The following FOXP2 variants were observed in gnomAD, a reference collection of about 807,000 sequenced individuals.
The protein encoded by FOXP2 is forkhead box protein P2.
A neutral mutation model predicts 115.8 loss-of-function variants in FOXP2; 12 were observed. The ratio of observed to expected loss-of-function variants is 0.10; its 90% CI spans 0.07 to 0.17. The LOEUF is 0.17. Ranked by LOEUF, FOXP2 falls within the 10% of genes least tolerant of loss-of-function variation. The pLI is 1.00. For missense variants in FOXP2, 629 were observed against 843.5 expected, an observed-to-expected ratio of 0.75 and a Z score of 3.15; for synonymous variants, 328 against 297.7, an observed-to-expected ratio of 1.10 and a Z score of -1.05.
chr7:114,252,023 G>C (rs1795459144), intron 1 of FOXP2, among the ~76,000 whole-genome samples: 1 of 152,140 alleles, frequency 6.6e-6, no homozygotes. Context: ...TTTGTCAAAG[G>C]CCTTTTCTGC....
chr7:114,512,197 G>GTCT (rs1798111360), intron 2 of FOXP2, among the ~76,000 whole-genome samples: 2 of 152,126 alleles, frequency 1.3e-5, no homozygotes, highest in South Asian at 4.1e-4. Flanking sequence ...CCTTCTCAAA[G>GTCT]TGAACAGAAA....
At chr7:114,488,180 A>G (rs773442490) in intron 2 of FOXP2, among the ~76,000 whole-genome samples, 13 of 151,928 alleles carry the variant, frequency 8.6e-5, no homozygotes, top group Non-Finnish European at 1.6e-4. Context: ...GTGCAAATGA[A>G]CTCCCCTCTA....
At chr7:114,611,501 C>T (rs145292597) in intron 3 of FOXP2, among the ~76,000 whole-genome samples, 16 of 152,166 alleles carry the variant, frequency 1.1e-4, no homozygotes, top group Admixed American at 2.6e-4. Context: ...GCACAGGTTA[C>T]GCAGCAGTGA....
At chr7:114,285,505 G>A (rs1252457977) in intron 1 of FOXP2, 1 of 152,136 alleles carries the variant, frequency 6.6e-6, no homozygotes, top group Non-Finnish European at 1.5e-5. Context: ...ATATTTTACA[G>A]TAGAGGTGCC....
At chr7:114,091,004 A>G (rs1324111309) in intron 1 of FOXP2, among the ~76,000 whole-genome samples, 3 of 151,814 alleles carry the variant, frequency 2.0e-5, no homozygotes, top group Non-Finnish European at 4.4e-5. Context: ...TTATGTGAAA[A>G]TTTATTATTA....
At chr7:114,266,619 C>T (rs189133631) in intron 1 of FOXP2, among the ~76,000 whole-genome samples, 29 of 152,182 alleles carry the variant, frequency 1.9e-4, no homozygotes, top group Admixed American at 5.9e-4. Context: ...ATCCTTATGC[C>T]CCCAGACACC....
chr7:114,480,730 C>T lies in FOXP2; in HGVS notation c.169-53887C>T, dbSNP rs189887637. 8.6e-4 allele frequency among the ~76,000 whole-genome samples: 129 copies of T among 150,012 alleles called. 1 individual carries two copies. Among genetic ancestry groups the T allele is most frequent in the African/African-American group, 2.8e-3 (116 of 41,102 alleles). On this transcript the variant is annotated intron_variant, in intron 2 of 16. Transcript: ENST00000350908. ...ATATGTGCATGTATATACATATACA[C>T]GTATATATGTGTATGTATGTATACG...
intron 1 of FOXP2, among the ~76,000 whole-genome samples, chr7:114,255,629 A>G (rs1196345955): frequency 6.6e-6 from 1 of 152,138 alleles, no homozygotes; most frequent in East Asian, 1.9e-4. Flanking sequence ...GGCGTTTGTT[A>G]AGACCATTGG....
In FOXP2 at chr7:114,268,392, A is replaced by G. The variant is rs557334282; in HGVS notation, c.-101-19627A>G. ...CATACATAGGATAATATTAGGGCAT[A>G]TTAGAATTTAGTGAAACATAAATTT... On this transcript the variant is annotated intron_variant, in intron 1 of 17. Transcript: ENST00000634411. 2.9e-3 allele frequency among the ~76,000 whole-genome samples: 446 copies of G among 152,348 alleles called. 2 individuals are homozygous for G. Among genetic ancestry groups the G allele is most frequent in the South Asian group, 0.019 (93 of 4,834 alleles).
rs900072191 is a variant in FOXP2 at position 114,127,377 on chromosome 7, A to T, written c.-246-35567A>T. On this transcript the variant is annotated intron_variant, in intron 1 of 19. Coordinates refer to the FOXP2 transcript ENST00000635638. ...AGGGGAAAAGATTATATAAGGGCACAGATACCCAGGAAGTGGAGATCACTG... is the reference window on the plus strand; with the variant it reads ...AGGGGAAAAGATTATATAAGGGCACTGATACCCAGGAAGTGGAGATCACTG... Among the ~76,000 whole-genome samples the T allele has an allele frequency of 2.0e-4, 31 of 152,194 alleles. 1 individual carries two copies. The highest frequency in any genetic ancestry group is 7.5e-4 in the African/African-American group (31 of 41,456).
At chr7:114,292,497 T>C (rs1796631195) in intron 2 of FOXP2, among the ~76,000 whole-genome samples, 1 of 152,144 alleles carries the variant, frequency 6.6e-6, no homozygotes, top group Non-Finnish European at 1.5e-5. Context: ...TCTTACCTTT[T>C]CTCTTTACTC....
chr7:114,408,556 G>A lies in FOXP2; in HGVS notation c.-10-17946G>A, dbSNP rs571710134. Reference sequence around the variant, plus strand: ...AGCCTGGCCAATATGGTGAAACCCTGTCTCTACGAAAAATACAAAAATTAG... The same window carrying A: ...AGCCTGGCCAATATGGTGAAACCCTATCTCTACGAAAAATACAAAAATTAG... On this transcript the variant is annotated intron_variant, in intron 2 of 17. Transcript: ENST00000634411. Among the ~76,000 whole-genome samples, 3 of 152,100 alleles carry A rather than the reference G, an allele frequency of 2.0e-5. No homozygotes were observed. The South Asian group carries it at 6.2e-4, about 32-fold the overall frequency.
intron 3 of FOXP2, among the ~76,000 whole-genome samples, chr7:114,581,820 C>T (rs1468993063): frequency 6.6e-6 from 1 of 152,118 alleles, no homozygotes; most frequent in East Asian, 1.9e-4. Flanking sequence ...TTGTTTTAAC[C>T]TAAGGGTGGT....
chr7:114,176,318 C>G (rs1263179148), intron 1 of FOXP2, among the ~76,000 whole-genome samples: 1 of 139,076 alleles, frequency 7.2e-6, no homozygotes, highest in Non-Finnish European at 1.5e-5. Flanking sequence ...CTCTCTCTCT[C>G]TCTTTCTTTT....
At chr7:114,426,747 ATT>A in intron 2 of FOXP2, 68 bp downstream of exon 2, 2 of 1,480,626 alleles carry the variant, frequency 1.4e-6, no homozygotes, top group Non-Finnish European at 1.9e-6. Flanking sequence ...TGAAAAATGT[ATT>A]CATAGCAAAC....
chr7:114,310,736 C>T (rs1264029907), intron 2 of FOXP2, among the ~76,000 whole-genome samples: 1 of 152,068 alleles, frequency 6.6e-6, no homozygotes, highest in Non-Finnish European at 1.5e-5. Context: ...TGAAATTACA[C>T]ATCTCTTTAT....
Position 114,528,315 on chromosome 7 carries a change from A to T in FOXP2, c.169-6302A>T, listed in dbSNP as rs571841110. On this transcript the variant is annotated intron_variant, in intron 2 of 16. Transcript: ENST00000350908. ...CATAAAAATTTCAATGAGCTTCTCAACAAAAAATAATTTCTTTTACTTATG... is the reference window on the plus strand; with the variant it reads ...CATAAAAATTTCAATGAGCTTCTCATCAAAAAATAATTTCTTTTACTTATG... 8.6e-4 allele frequency among the ~76,000 whole-genome samples: 131 copies of T among 152,212 alleles called. 1 individual carries two copies. Among genetic ancestry groups the T allele is most frequent in the African/African-American group, 3.0e-3 (124 of 41,570 alleles).
chr7:114,100,613 T>C (rs1799756592), intron 1 of FOXP2, among the ~76,000 whole-genome samples: 1 of 152,200 alleles, frequency 6.6e-6, no homozygotes, highest in African/African-American at 2.4e-5. Flanking sequence ...AGCAATTGTG[T>C]CATCCATAAT....
intron 2 of FOXP2, among the ~76,000 whole-genome samples, chr7:114,507,411 C>G (rs1797872865): frequency 6.6e-6 from 1 of 151,796 alleles, no homozygotes; most frequent in African/African-American, 2.4e-5. Flanking sequence ...CTATTGTGTA[C>G]ATAGAGTGAT....
Sources: gnomAD v4.1 joint callset for allele counts (sites outside exome capture counted in the v4.1 genomes callset) on GRCh38, gnomAD v4.1.1 for gene constraint, MANE v1.5 for transcripts, NCBI Gene and HGNC (gene_info 2026-07-23, HGNC 2026-07-21) for gene names.